The following NOL4 variants were observed in gnomAD, a reference collection of about 807,000 sequenced individuals.
NOL4 encodes cancer/testis antigen 125.
Under a neutral mutation model 75.9 loss-of-function variants are expected in NOL4, and 17 were observed. That is an observed-to-expected ratio of 0.22 (90% CI 0.15 to 0.34). NOL4 has a LOEUF of 0.34. Among genes scored for constraint, NOL4 ranks in the 10% least tolerant of loss-of-function variants. NOL4 has a pLI of 1.00. For synonymous variants in NOL4, 292 were observed against 289.9 expected, an observed-to-expected ratio of 1.01 and a Z score of -0.07; for missense variants, 614 against 793.5, an observed-to-expected ratio of 0.77 and a Z score of 2.72.
At chr18:34,022,018 C>T (rs889702212) in intron 5 of NOL4, among the ~76,000 whole-genome samples, 8 of 151,538 alleles carry the variant, frequency 5.3e-5, no homozygotes, top group African/African-American at 7.3e-5. Context: ...GCAGGAGAAT[C>T]GCTTGAACCT....
At chr18:33,928,275 T>G (rs2067466325) in intron 9 of NOL4, among the ~76,000 whole-genome samples, 1 of 152,168 alleles carries the variant, frequency 6.6e-6, no homozygotes, top group Admixed American at 6.5e-5. Flanking sequence ...TCTGTCGTAA[T>G]TTAAACCACC....
chr18:34,057,806 C>T (rs1023133836), intron 5 of NOL4, among the ~76,000 whole-genome samples: 5 of 152,084 alleles, frequency 3.3e-5, no homozygotes, highest in Non-Finnish European at 5.9e-5. Context: ...AAATACTGCT[C>T]ATAAAAATTA....
At chr18:34,033,168 C>T (rs888929068) in intron 5 of NOL4, among the ~76,000 whole-genome samples, 3 of 151,960 alleles carry the variant, frequency 2.0e-5, no homozygotes, top group Non-Finnish European at 4.4e-5. Context: ...CGTATGACAC[C>T]TTTAAAGGGC....
At chr18:34,057,285 C>A (rs567655098) in intron 5 of NOL4, among the ~76,000 whole-genome samples, 1 of 152,166 alleles carries the variant, frequency 6.6e-6, no homozygotes, top group African/African-American at 2.4e-5. Flanking sequence ...CACACATGTG[C>A]ATATGTACAC....
At chr18:34,135,323 T>C (rs1382915717) in intron 1 of NOL4, among the ~76,000 whole-genome samples, 1 of 152,140 alleles carries the variant, frequency 6.6e-6, no homozygotes, top group African/African-American at 2.4e-5. Context: ...TAACAATTCC[T>C]AGAAAGACTT....
intron 5 of NOL4, among the ~76,000 whole-genome samples, chr18:34,088,592 T>C (rs2078355931): frequency 6.6e-6 from 1 of 152,126 alleles, no homozygotes; most frequent in African/African-American, 2.4e-5. Context: ...TCCTTCATAA[T>C]AAGTCCCTTA....
intron 5 of NOL4, among the ~76,000 whole-genome samples, chr18:34,045,968 T>A (rs1413837620): frequency 6.6e-6 from 1 of 152,156 alleles, no homozygotes; most frequent in African/African-American, 2.4e-5. Context: ...CTCTCCTTAG[T>A]TTATGTAACA....
chr18:34,172,800 C>T (rs745576880), intron 1 of NOL4, among the ~76,000 whole-genome samples: 3 of 151,994 alleles, frequency 2.0e-5, no homozygotes, highest in Non-Finnish European at 4.4e-5. Flanking sequence ...ACCTGTTGGC[C>T]ATATTTACGT....
intron 6 of NOL4, among the ~76,000 whole-genome samples, chr18:34,015,438 T>A (rs930964126): frequency 2.0e-5 from 3 of 152,046 alleles, no homozygotes; most frequent in African/African-American, 7.2e-5. Context: ...GTTTAACAAT[T>A]TATATCAATA....
At chr18:34,112,759 A>C (rs2145761929) in intron 2 of NOL4, among the ~76,000 whole-genome samples, 2 of 152,278 alleles carry the variant, frequency 1.3e-5, no homozygotes, top group East Asian at 3.9e-4. Context: ...ATCATGTAGT[A>C]TGAGTAAGTT....
chr18:33,854,480 A>C (rs1022416947), intron 10 of NOL4, among the ~76,000 whole-genome samples: 1 of 152,076 alleles, frequency 6.6e-6, no homozygotes, highest in African/African-American at 2.4e-5. Context: ...GCTGGAAGAG[A>C]GATGTGCGAT....
intron 9 of NOL4, among the ~76,000 whole-genome samples, chr18:33,889,403 TGGACCAGACAGATTCCA>T (rs1405127786): frequency 6.6e-6 from 1 of 151,976 alleles, no homozygotes; most frequent in African/African-American, 2.4e-5. Context: ...AAAAAAGTCC[TGGACCAGACAGATTCCA>T]GGACCAGACG....
chr18:34,158,291 G>A (rs2030803674), intron 1 of NOL4, among the ~76,000 whole-genome samples: 1 of 152,180 alleles, frequency 6.6e-6, no homozygotes, highest in Non-Finnish European at 1.5e-5. Flanking sequence ...GCCTCCATTT[G>A]CTCTAATCAG....
intron 2 of NOL4, among the ~76,000 whole-genome samples, chr18:34,114,019 G>A (rs2079733392): frequency 6.6e-6 from 1 of 152,154 alleles, no homozygotes; most frequent in Non-Finnish European, 1.5e-5. Flanking sequence ...AATAGCAGTT[G>A]CAAATAAAAC....
At chr18:34,029,092 T>C (rs1199007243) in intron 5 of NOL4, among the ~76,000 whole-genome samples, 1 of 152,162 alleles carries the variant, frequency 6.6e-6, no homozygotes, top group Non-Finnish European at 1.5e-5. Context: ...ATAAGGGAAC[T>C]GTGTAGGGTC....
At chr18:34,040,435 T>G (rs910487750) in intron 5 of NOL4, among the ~76,000 whole-genome samples, 1 of 152,036 alleles carries the variant, frequency 6.6e-6, no homozygotes, top group African/African-American at 2.4e-5. Flanking sequence ...TATTTTGAAG[T>G]GATTGAAGCT....
intron 10 of NOL4, among the ~76,000 whole-genome samples, chr18:33,860,102 G>T (rs919998553): frequency 1.2e-4 from 18 of 151,998 alleles, no homozygotes; most frequent in African/African-American, 4.4e-4. Context: ...AGGTGGAACT[G>T]TCAAACACTT....
chr18:34,023,126 T>C (rs2075138390), intron 5 of NOL4, among the ~76,000 whole-genome samples: 2 of 152,178 alleles, frequency 1.3e-5, no homozygotes. Flanking sequence ...CAAATATACA[T>C]ACTCACATAT....
At chr18:33,893,887 A>G (rs1039975165) in intron 9 of NOL4, among the ~76,000 whole-genome samples, 2 of 152,150 alleles carry the variant, frequency 1.3e-5, no homozygotes, top group East Asian at 3.9e-4. Context: ...ACTTCTAAGA[A>G]TATTACCACT....
Sources: gnomAD v4.1 joint callset for allele counts (sites outside exome capture counted in the v4.1 genomes callset) on GRCh38, gnomAD v4.1.1 for gene constraint, MANE v1.5 for transcripts, NCBI Gene and HGNC (gene_info 2026-07-23, HGNC 2026-07-21) for gene names.